Variants in XRCC4 observed in about 807,000 individuals in gnomAD.
XRCC4 encodes the protein DNA repair protein XRCC4.
XRCC4 carries 28 observed loss-of-function variants against 39.1 expected under a neutral mutation model. The ratio of observed to expected loss-of-function variants is 0.72; its 90% confidence interval spans 0.53 to 0.98. XRCC4 has a LOEUF of 0.98. XRCC4 is among the 50% of genes least tolerant of loss of function. XRCC4 has a pLI of 0.00. For synonymous variants in XRCC4, 123 were observed against 126.4 expected, an observed-to-expected ratio of 0.97 and a Z score of 0.18; for missense variants, 350 against 376.4, an observed-to-expected ratio of 0.93 and a Z score of 0.58.
intron 7 of XRCC4, among the ~76,000 whole-genome samples, chr5:83,285,102 C>T (rs1300876196): frequency 6.6e-6 from 1 of 152,024 alleles, no homozygotes. Context: ...TATCTTTTAA[C>T]CTCTATAAAT....
the XRCC4 span, among the ~76,000 whole-genome samples, chr5:83,361,111 T>C: frequency 6.6e-6 from 1 of 152,056 alleles, no homozygotes; most frequent in East Asian, 1.9e-4. Flanking sequence ...TGAACTTGAG[T>C]TTTCTTATGC....
Position 83,281,381 on chromosome 5 carries a change from C to G in XRCC4, c.893+22704C>G, listed in dbSNP as rs190097426. Among the ~76,000 whole-genome samples the G allele has an allele frequency of 8.6e-4, 131 of 152,262 alleles. No individual in the cohort carries two copies. In the Middle Eastern group the frequency reaches 0.01, roughly 12 times the overall value. ...AGTTCAAACCCCTGAATTTAGTATA[C>G]ACAGGCTTTCATGAGCTGCACTTTC... On this transcript the variant is annotated intron_variant, in intron 7 of 7. Coordinates refer to ENST00000396027, the MANE Select transcript of XRCC4 (RefSeq NM_003401.5).
chr5:83,310,809 C>A (rs1300480105), intron 7 of XRCC4: 1 of 456,470 alleles, frequency 2.2e-6, no homozygotes, highest in Non-Finnish European at 4.4e-6. Context: ...AAGGAGACTT[C>A]AGAGAAAGAG....
chr5:83,348,995 C>G (rs1242846611), intron 7 of XRCC4, among the ~76,000 whole-genome samples: 5 of 152,174 alleles, frequency 3.3e-5, no homozygotes, highest in Non-Finnish European at 7.4e-5. Flanking sequence ...TCAGCCTGGA[C>G]TTTATTGTCC....
At chr5:83,186,818 A>G (rs932509565) in intron 3 of XRCC4, among the ~76,000 whole-genome samples, 1 of 152,164 alleles carries the variant, frequency 6.6e-6, no homozygotes, top group African/African-American at 2.4e-5. Context: ...TATAGGTCTC[A>G]CCTAGCAAAC....
At chr5:83,323,890 T>G (rs1756160134) in intron 7 of XRCC4, among the ~76,000 whole-genome samples, 1 of 152,082 alleles carries the variant, frequency 6.6e-6, no homozygotes, top group African/African-American at 2.4e-5. Context: ...TATCAGTGAT[T>G]TAGCAATGAA....
At chr5:83,098,771 A>G (rs1745794262) in intron 1 of XRCC4, among the ~76,000 whole-genome samples, 1 of 152,148 alleles carries the variant, frequency 6.6e-6, no homozygotes, top group Non-Finnish European at 1.5e-5. Context: ...AGTAAAAAAA[A>G]TCTTTAATGT....
At chr5:83,290,955 G>A (rs1269148892) in intron 7 of XRCC4, among the ~76,000 whole-genome samples, 1 of 151,744 alleles carries the variant, frequency 6.6e-6, no homozygotes, top group Non-Finnish European at 1.5e-5. Flanking sequence ...TTTTTATTCA[G>A]CTTACATAGA....
intron 6 of XRCC4, among the ~76,000 whole-genome samples, chr5:83,225,397 T>A (rs1752248961): frequency 6.6e-6 from 1 of 151,954 alleles, no homozygotes. Flanking sequence ...AAATGCCCAT[T>A]CTCATGTTCA....
At chr5:83,108,256 C>T (rs1221289958) in intron 2 of XRCC4, among the ~76,000 whole-genome samples, 2 of 152,038 alleles carry the variant, frequency 1.3e-5, no homozygotes, top group South Asian at 2.1e-4. Context: ...ATGTTCTTGG[C>T]ACAGAATTCA....
At chr5:83,369,183 C>T in the XRCC4 span, among the ~76,000 whole-genome samples, 3 of 152,112 alleles carry the variant, frequency 2.0e-5, no homozygotes, top group South Asian at 4.1e-4. Flanking sequence ...GAAACGGGAC[C>T]TTCACTGCAA....
At chr5:83,133,415 C>G (rs533441141) in intron 3 of XRCC4, among the ~76,000 whole-genome samples, 2 of 152,302 alleles carry the variant, frequency 1.3e-5, no homozygotes, top group East Asian at 3.9e-4. Flanking sequence ...CTCTTCACAG[C>G]TGTCAGACAG....
intron 7 of XRCC4, among the ~76,000 whole-genome samples, chr5:83,309,296 A>AAAATAT (rs1561467702): frequency 4.2e-5 from 3 of 72,218 alleles, no homozygotes; most frequent in African/African-American, 1.7e-4. Flanking sequence ...AAAAAAAAAA[A>AAAATAT]ATATATATAT....
At chr5:83,219,603 G>A (rs1381977624) in intron 6 of XRCC4, among the ~76,000 whole-genome samples, 3 of 152,130 alleles carry the variant, frequency 2.0e-5, no homozygotes, top group African/African-American at 7.2e-5. Flanking sequence ...TTGGAGGTTT[G>A]TTTAGAGCTG....
rs544479059 is a variant in XRCC4, at chr5:83,141,998, A to C, written c.315+30795A>C. The stretch of plus-strand genomic sequence containing the variant: ...GAAAGTTCTTATTGCATGTGTGGAA[A>C]TATCTTACCTATCAGTTTTCAGTTA... On this transcript the variant is annotated intron_variant, in intron 3 of 7. Transcript: ENST00000396027. Among the ~76,000 whole-genome samples, 17 of 152,302 alleles carry C rather than the reference A, an allele frequency of 1.1e-4. 1 individual carries two copies. The South Asian group carries it at 3.3e-3, about 30-fold the overall frequency.
chr5:83,342,182 A>G (rs1756781638), intron 7 of XRCC4, among the ~76,000 whole-genome samples: 3 of 152,208 alleles, frequency 2.0e-5, no homozygotes, highest in South Asian at 4.1e-4. Context: ...TACCATAACA[A>G]TTTTGTTTAT....
At chr5:83,145,584 A>G (rs1748413478) in intron 3 of XRCC4, among the ~76,000 whole-genome samples, 1 of 152,200 alleles carries the variant, frequency 6.6e-6, no homozygotes, top group South Asian at 2.1e-4. Flanking sequence ...AGAGTTTAGC[A>G]AGAGATTTGA....
At chr5:83,161,122 T>A (rs1022689821) in intron 3 of XRCC4, among the ~76,000 whole-genome samples, 4 of 151,608 alleles carry the variant, frequency 2.6e-5, no homozygotes, top group African/African-American at 9.7e-5. Flanking sequence ...TTTTTTTTTT[T>A]TTTTTGAGAT....
intron 3 of XRCC4, among the ~76,000 whole-genome samples, chr5:83,185,954 C>T (rs1395351461): frequency 1.3e-5 from 2 of 151,962 alleles, no homozygotes; most frequent in Non-Finnish European, 2.9e-5. Context: ...AGTAATATTG[C>T]CAAACCAGAA....
Sources: allele counts gnomAD v4.1 joint callset (sites outside exome capture counted in the v4.1 genomes callset), GRCh38; gene constraint gnomAD v4.1.1; transcripts MANE v1.5; gene names NCBI Gene and HGNC (gene_info 2026-07-23, HGNC 2026-07-21).